AMOT: variants seen among roughly 807,000 people sequenced by gnomAD.
AMOT encodes the protein angiomotin.
AMOT carries 11 observed loss-of-function variants against 67.0 expected under a neutral mutation model. That is an observed-to-expected ratio of 0.16 (90% CI 0.10 to 0.27). The LOEUF (loss-of-function observed/expected upper bound fraction) is 0.27, where lower values mean the gene tolerates loss of function less well. Among genes scored for constraint, AMOT ranks in the 10% least tolerant of loss-of-function variants. The probability of loss-of-function intolerance (pLI) is 1.00; values close to 1 mark genes in which losing one functional copy is unlikely to be tolerated. For missense variants in AMOT, 753 were observed against 852.0 expected (o/e 0.88, Z 1.45); for synonymous variants, 326 against 321.4 (o/e 1.01, Z -0.15).
chrX:112,818,548 A>G (rs1283831581), intron 4 of AMOT, among the ~76,000 whole-genome samples: 1 of 111,633 alleles, frequency 9.0e-6, no homozygotes, highest in East Asian at 2.8e-4. Flanking sequence ...TGGCTTGGGC[A>G]GTCACAAAGG....
chrX:112,780,668 G>A, intron 12 of AMOT: 1 of 426,155 alleles, frequency 2.3e-6, no homozygotes, highest in Non-Finnish European at 4.1e-6. Flanking sequence ...TGTCCTCTAA[G>A]CCTTGGCCTC....
At chrX:112,806,741 C>G (rs1463298903) in intron 7 of AMOT, among the ~76,000 whole-genome samples, 2 of 112,008 alleles carry the variant, frequency 1.8e-5, no homozygotes, top group Non-Finnish European at 3.8e-5. Context: ...ATACACTATT[C>G]TTATCTCAAT....
intron 6 of AMOT, 47 bp from the exon 7 acceptor site, chrX:112,810,033 A>C (rs765873597): frequency 9.6e-7 from 1 of 1,037,536 alleles, no homozygotes; most frequent in Non-Finnish European, 1.3e-6. Context: ...GTAAACTTTC[A>C]TGCACATACT....
chrX:112,779,828 T>C, intron 12 of AMOT, 148 bp from the exon 13 acceptor site: 2 of 255,972 alleles, frequency 7.8e-6, no homozygotes, highest in Non-Finnish European at 1.3e-5. Flanking sequence ...ATATTATTAT[T>C]TTTAAATATT....
At chrX:112,823,222 T>C (rs1037508840) in intron 3 of AMOT, 34 bp from the exon 4 acceptor site, 12 of 880,837 alleles carry the variant, frequency 1.4e-5, no homozygotes, top group Non-Finnish European at 1.9e-5. Flanking sequence ...TAACACCCAG[T>C]TGATGGATAA....
chrX:112,805,010 G>T lies in AMOT; in HGVS notation c.1713C>A (p.His571Gln). Reference sequence around the variant, plus strand: ...TCAGGGCCTGATCTCGGATTTCGATGTGTCGTCTTTGGTCCTCATTGGTAG... The same window carrying T: ...TCAGGGCCTGATCTCGGATTTCGATTTGTCGTCTTTGGTCCTCATTGGTAG... ...ARSTNEDQRR[H>Q]IEIRDQALSN... is the part of the protein sequence containing the mutation. The change falls in exon 8 of 14, where the codon CAC becomes CAA. Residue 571 changes from histidine to glutamine, a missense_variant. By Grantham distance (24) the His-to-Gln change is conservative. Around this residue, in one of 5 missense-constraint regions of AMOT, gnomAD observed 66 missense variants for 112.9 expected, o/e 0.58. Transcript: ENST00000371959. 8.3e-7 allele frequency: 1 copy of T among 1,206,809 alleles called. No homozygotes were observed. The highest frequency in any genetic ancestry group is 1.1e-6 in the Non-Finnish European group (1 of 892,734).
intron 8 of AMOT, 49 bp downstream of exon 8, chrX:112,804,898 T>TGGCCC: frequency 7.9e-5 from 66 of 837,544 alleles, no homozygotes; most frequent in Non-Finnish European, 9.5e-5. Flanking sequence ...GTCCCCGATT[T>TGGCCC]CCCAGCCCTC....
Position 112,822,429 on chromosome X carries a change from A to C in AMOT, c.698T>G (p.Met233Arg). 8.6e-7 allele frequency: 1 copy of C among 1,167,771 alleles called. No homozygotes were observed. The highest frequency in any genetic ancestry group is 1.1e-6 in the Non-Finnish European group (1 of 873,051). The change falls in exon 4 of 14, where the codon ATG becomes AGG. Residue 233 changes from methionine (M) to arginine (R), a missense_variant. By Grantham distance (91) the Met-to-Arg change is moderately conservative. Coordinates refer to ENST00000371959, the MANE Select transcript of AMOT (RefSeq NM_001113490.2). ...PLPNQHSLKG[M>R]EHRGPPPEYP... is the part of the protein sequence containing the mutation. ...TTCTGGTGGGGGGCCTCGGTGTTCCATGCCCTTCAGGCTATGCTGGTTAGG... is the reference window on the plus strand; with the variant it reads ...TTCTGGTGGGGGGCCTCGGTGTTCCCTGCCCTTCAGGCTATGCTGGTTAGG...
At chrX:112,833,004 A>G (rs1346278261) in intron 1 of AMOT, among the ~76,000 whole-genome samples, 1 of 112,160 alleles carries the variant, frequency 8.9e-6, no homozygotes, top group Non-Finnish European at 1.9e-5. Flanking sequence ...CCACTGCAGA[A>G]CTGAATCTAA....
rs1219070295 is a variant in AMOT, at chrX:112,779,598, C to T, written c.2556G>A (p.Ser852=). 10 of 1,208,276 alleles carry T rather than the reference C, an allele frequency of 8.3e-6. No homozygotes were observed. The highest frequency in any genetic ancestry group is 3.5e-5 in the African/African-American group (2 of 56,562). ...SPVPPSTPLL[S]AHSKTGSRDC... is the part of the protein sequence containing the mutation. The stretch of plus-strand genomic sequence containing the variant: ...CTCGGCTGCCTGTCTTGGAGTGAGC[C>T]GAGAGCAGGGGAGTCGAGGGTGGCA... Residue 852 remains serine, a synonymous_variant, in exon 13 of 14, where the codon TCG becomes TCA. Coordinates refer to ENST00000371959, the MANE Select transcript of AMOT (RefSeq NM_001113490.2).
rs1173955980 is a variant in AMOT at position 112,782,715 on chromosome X, G to A, written c.2118-53C>T. The A allele has an allele frequency of 6.1e-6, 7 of 1,156,744 alleles. No homozygotes were observed. The African/African-American group carries it at 9.0e-5, about 15-fold the overall frequency. On this transcript the variant is annotated intron_variant, in intron 10 of 13. Coordinates refer to ENST00000371959, the MANE Select transcript of AMOT (RefSeq NM_001113490.2). ...TGGGAGCATAGCAAGATCAATGAAT[G>A]TTATCTTTCTTCTAAGTCAAGGAAG...
Position 112,779,357 on chromosome X carries a change from C to T in AMOT, c.2797G>A (p.Ala933Thr), listed in dbSNP as rs777659421. The change falls in exon 13 of 14, where the codon GCT becomes ACT. Residue 933 changes from alanine (A) to threonine (T), a missense_variant. Coordinates refer to ENST00000371959, the MANE Select transcript of AMOT (RefSeq NM_001113490.2). ...AAAAPSPATA[A>T]ATAAAVSPAA... ...GGAGAAACAGCAGCAGCAGTAGCAG[C>T]GGCAGTGGCTGGAGACGGGGCAGCA... The T allele has an allele frequency of 2.6e-5, 24 of 905,807 alleles. No individual in the cohort carries two copies. The highest frequency in any genetic ancestry group is 4.0e-5 in the African/African-American group (2 of 50,516). 74.6% of individuals were successfully genotyped at this position (905,807 alleles called of 1,213,427 possible).
At chrX:112,785,102 G>C (rs772038459) in intron 10 of AMOT, among the ~76,000 whole-genome samples, 1 of 111,712 alleles carries the variant, frequency 9.0e-6, no homozygotes, top group African/African-American at 3.3e-5. Context: ...GTATTTGAAC[G>C]AGCAACTTGA....
chrX:112,828,719 G>A (rs1296814241), intron 2 of AMOT, among the ~76,000 whole-genome samples: 1 of 111,405 alleles, frequency 9.0e-6, no homozygotes, highest in African/African-American at 3.3e-5. Flanking sequence ...GAGAGAGCCA[G>A]GACCAAAATG....
At chrX:112,839,274 ATT>A (rs1935224550) in intron 1 of AMOT, among the ~76,000 whole-genome samples, 2 of 112,209 alleles carry the variant, frequency 1.8e-5, no homozygotes, top group South Asian at 7.5e-4. Context: ...CCAAAATGGC[ATT>A]TCAAACTATT....
intron 10 of AMOT, among the ~76,000 whole-genome samples, chrX:112,788,206 A>G (rs762262655): frequency 8.3e-4 from 91 of 109,518 alleles, no homozygotes; most frequent in Admixed American, 1.5e-3. Context: ...GGAGAATGGC[A>G]TGAACCCGGG....
In AMOT at chrX:112,834,119, T is replaced by C. The variant is rs1428773917; in HGVS notation, c.-288-1749A>G. 4.5e-5 allele frequency among the ~76,000 whole-genome samples: 5 copies of C among 112,083 alleles called. No individual in the cohort carries two copies. The East Asian group carries it at 1.4e-3, about 32-fold the overall frequency. On this transcript the variant is annotated intron_variant, in intron 1 of 13. Coordinates refer to ENST00000371959, the MANE Select transcript of AMOT (RefSeq NM_001113490.2). ...ACACAGAAAGCTGATTTCTCTTCAATGCTGTTAACACTCAGGCCACTACAT... is the reference window on the plus strand; with the variant it reads ...ACACAGAAAGCTGATTTCTCTTCAACGCTGTTAACACTCAGGCCACTACAT...
At chrX:112,801,029 C>T (rs946337607) in intron 8 of AMOT, among the ~76,000 whole-genome samples, 8 of 111,686 alleles carry the variant, frequency 7.2e-5, no homozygotes, top group African/African-American at 2.3e-4. Context: ...GTTCAGTAAG[C>T]AGCCCACCCG....
chrX:112,795,244 CTCTCTG>C (rs942896376), intron 8 of AMOT, among the ~76,000 whole-genome samples: 2 of 93,521 alleles, frequency 2.1e-5, no homozygotes, highest in African/African-American at 1.0e-4. Flanking sequence ...CTCTGTCTCT[CTCTCTG>C]TGTGTGTGTG....
Sources: gnomAD v4.1 joint callset for allele counts (sites outside exome capture counted in the v4.1 genomes callset) on GRCh38, gnomAD v4.1.1 for gene constraint, gnomAD v4.1.1 regional missense constraint, MANE v1.5 for transcripts, NCBI Gene and HGNC (gene_info 2026-07-23, HGNC 2026-07-21) for gene names.